The following TXNRD2 variants were observed in gnomAD, a reference collection of about 807,000 sequenced individuals.
TXNRD2 encodes thioredoxin reductase 2, also known as thioredoxin reductase 2, mitochondrial.
Under a neutral mutation model 70.8 loss-of-function variants are expected in TXNRD2, and 67 were observed. The ratio of observed to expected loss-of-function variants is 0.95; its 90% CI spans 0.78 to 1.16. The LOEUF (loss-of-function observed/expected upper bound fraction) is 1.16. Ranked by LOEUF, TXNRD2 falls within the 50% of genes most tolerant of loss-of-function variation. The pLI, the probability that TXNRD2 is intolerant of heterozygous loss-of-function variation, is 0.00. For missense variants in TXNRD2, 644 were observed against 719.9 expected, an observed-to-expected ratio of 0.89 and a Z score of 1.21; for synonymous variants, 301 against 295.8, an observed-to-expected ratio of 1.02 and a Z score of -0.18.
chr22:19,883,109 C>G (rs1938856516), intron 12 of TXNRD2, among the ~76,000 whole-genome samples: 1 of 152,256 alleles, frequency 6.6e-6, no homozygotes, highest in Non-Finnish European at 1.5e-5. Context: ...CATCCACACT[C>G]CCACCACAGA....
chr22:19,919,712 G>C, intron 2 of TXNRD2, 113 bp from the exon 3 acceptor site: 1 of 1,055,586 alleles, frequency 9.5e-7, no homozygotes, highest in Non-Finnish European at 1.4e-6. Flanking sequence ...GCCTGGGCCT[G>C]CGGCTGCCCA....
At chr22:19,904,198 C>T (rs1410662069) in intron 8 of TXNRD2, among the ~76,000 whole-genome samples, 1 of 152,176 alleles carries the variant, frequency 6.6e-6, no homozygotes, top group African/African-American at 2.4e-5. Flanking sequence ...GGGTCCTGCT[C>T]ACCCACCCAC....
rs73381892 is a variant in TXNRD2, at chr22:19,877,437, C to T, written c.1446-203G>A. Among the ~76,000 whole-genome samples, 5,478 of 152,198 alleles carry T rather than the reference C, an allele frequency of 0.036. 334 individuals carry two copies. The highest frequency in any genetic ancestry group is 0.12 in the African/African-American group (5,138 of 41,470). ...GCAGATGCCTAGTGCTCGTCCAGCCCACCTCCCACCCAGCCACGCCCTGGC... is the reference window on the plus strand; with the variant it reads ...GCAGATGCCTAGTGCTCGTCCAGCCTACCTCCCACCCAGCCACGCCCTGGC... On this transcript the variant is annotated intron_variant, in intron 16 of 17. Transcript: ENST00000400521.
chr22:19,906,777 G>A (rs1224495624), intron 8 of TXNRD2, among the ~76,000 whole-genome samples: 1 of 152,140 alleles, frequency 6.6e-6, no homozygotes, highest in Non-Finnish European at 1.5e-5. Context: ...GCAGGCAGTC[G>A]ATGGAAACCA....
chr22:19,933,655 T>C lies in TXNRD2; in HGVS notation c.104-2557A>G, dbSNP rs77545116. On this transcript the variant is annotated intron_variant, in intron 1 of 17. Transcript: ENST00000400521. ...GGCATAGGGCAGTCGTTTGCAAGCA[T>C]AGGAAATCTGCCTTTAAGCACTTGG... 1.7e-3 allele frequency: 763 copies of C among 440,940 alleles called. 1 individual carries two copies. Among genetic ancestry groups the C allele is most frequent in the African/African-American group, 0.015 (702 of 48,168 alleles). The allele number at this position is 440,940 out of a possible 1,614,324, so 27.3% of individuals were successfully genotyped here. A position where few individuals can be genotyped will look rare whatever the true frequency, so the allele number is the denominator to read the frequency against.
chr22:19,902,591 C>T (rs1021444318), intron 8 of TXNRD2, among the ~76,000 whole-genome samples: 1 of 152,220 alleles, frequency 6.6e-6, no homozygotes, highest in Non-Finnish European at 1.5e-5. Flanking sequence ...GCCTCCTTCC[C>T]CGGCTTGGCT....
At chr22:19,938,466 A>C (rs1441298499) in intron 1 of TXNRD2, among the ~76,000 whole-genome samples, 1 of 152,160 alleles carries the variant, frequency 6.6e-6, no homozygotes, top group Non-Finnish European at 1.5e-5. Context: ...CAAGGAAAAA[A>C]GGTTGAGGGC....
chr22:19,931,467 G>T (rs900261432), intron 1 of TXNRD2, among the ~76,000 whole-genome samples: 7 of 152,102 alleles, frequency 4.6e-5, no homozygotes, highest in African/African-American at 1.7e-4. Context: ...GTAGTCCACT[G>T]CCCTGCTTGG....
chr22:19,891,840 T>C (rs1378813073), intron 11 of TXNRD2: 2 of 152,258 alleles, frequency 1.3e-5, no homozygotes, highest in Non-Finnish European at 2.9e-5. Flanking sequence ...ACTGCTAATA[T>C]GTTTAATCCA....
chr22:19,880,652 G>T lies in TXNRD2; in HGVS notation c.1152C>A (p.Gly384=). Residue 384 remains glycine (G), a synonymous_variant, in exon 13 of 18, where the codon GGC becomes GGA. Transcript: ENST00000400521. ...AGRLLVQRLF[G]GSSDLMDYDN... The stretch of plus-strand genomic sequence containing the variant: ...CGTAGTCCATCAGATCTGAGGACCC[G>T]CCGAAGAGCCGCTGCACCAGGAGCC... The T allele has an allele frequency of 6.2e-7, 1 of 1,613,376 alleles. No individual in the cohort carries two copies. The highest frequency in any genetic ancestry group is 1.1e-5 in the South Asian group (1 of 91,080).
At chr22:19,897,885 A>G (rs1939582291) in intron 10 of TXNRD2, among the ~76,000 whole-genome samples, 154 bp downstream of exon 10, 1 of 152,034 alleles carries the variant, frequency 6.6e-6, no homozygotes, top group Non-Finnish European at 1.5e-5. Flanking sequence ...GTGTCTGCAT[A>G]TTTCCTGGAC....
chr22:19,931,203 G>T, intron 1 of TXNRD2, 105 bp from the exon 2 acceptor site: 2 of 995,220 alleles, frequency 2.0e-6, no homozygotes, highest in Non-Finnish European at 3.2e-6. Context: ...GGTCAGGGGT[G>T]ACAAGACACC....
chr22:19,908,878 T>C (rs1940189219), intron 8 of TXNRD2, among the ~76,000 whole-genome samples: 1 of 152,222 alleles, frequency 6.6e-6, no homozygotes, highest in Non-Finnish European at 1.5e-5. Context: ...ACATTATTAA[T>C]ACATTTAATA....
chr22:19,910,135 C>T (rs1453323799), intron 8 of TXNRD2, among the ~76,000 whole-genome samples: 3 of 152,206 alleles, frequency 2.0e-5, no homozygotes, highest in African/African-American at 7.2e-5. Context: ...TCTCTCTGCT[C>T]CCTGCCAACA....
chr22:19,897,614 C>T lies in TXNRD2; in HGVS notation c.774+425G>A, dbSNP rs117120338. On this transcript the variant is annotated intron_variant, in intron 10 of 17. Transcript: ENST00000400521. ...CAGCGCTGCCCTGTGTCCCTCACCC[C>T]AGCTCACACATTACAGCTTATTTCA... Among the ~76,000 whole-genome samples the T allele has an allele frequency of 4.7e-4, 71 of 152,316 alleles. No individual in the cohort carries two copies. In the East Asian group the frequency reaches 5.8e-3, roughly 12 times the overall value.
At chr22:19,878,890 G>A (rs1379137972) in intron 14 of TXNRD2, among the ~76,000 whole-genome samples, 1 of 152,238 alleles carries the variant, frequency 6.6e-6, no homozygotes, top group Non-Finnish European at 1.5e-5. Flanking sequence ...CCACACCGGA[G>A]CCGGAGCTGT....
intron 5 of TXNRD2, among the ~76,000 whole-genome samples, chr22:19,917,724 C>T (rs1418110025): frequency 2.0e-5 from 3 of 152,194 alleles, no homozygotes; most frequent in Non-Finnish European, 4.4e-5. Flanking sequence ...CCTGCACCCA[C>T]ACCCAAGGAG....
intron 8 of TXNRD2, among the ~76,000 whole-genome samples, chr22:19,901,148 C>T (rs9618713): frequency 6.6e-6 from 1 of 152,200 alleles, no homozygotes; most frequent in Non-Finnish European, 1.5e-5. Flanking sequence ...TCTCTGCCAC[C>T]GACGTGTACA....
At chr22:19,919,696 G>A (rs1940815897) in intron 2 of TXNRD2, 97 bp from the exon 3 acceptor site, 2 of 1,112,476 alleles carry the variant, frequency 1.8e-6, no homozygotes, top group Non-Finnish European at 2.5e-6. Context: ...GAAGAGTGTG[G>A]GCAGGGCCTG....
Sources: allele counts gnomAD v4.1 joint callset (sites outside exome capture counted in the v4.1 genomes callset), GRCh38; gene constraint gnomAD v4.1.1; transcripts MANE v1.5; gene names NCBI Gene and HGNC (gene_info 2026-07-23, HGNC 2026-07-21).